Variants in SCMH1 observed in about 807,000 individuals in gnomAD.
The protein encoded by SCMH1 is polycomb protein SCMH1.
SCMH1 carries 37 observed loss-of-function variants against 70.8 expected under a neutral mutation model. The ratio of observed to expected loss-of-function variants is 0.52; its 90% CI spans 0.40 to 0.69. The LOEUF (loss-of-function observed/expected upper bound fraction) is 0.69, where lower values mean the gene tolerates loss of function less well. SCMH1 is among the 30% of genes least tolerant of loss of function. SCMH1 has a pLI of 0.00. For missense variants in SCMH1, 607 were observed against 827.3 expected, an observed-to-expected ratio of 0.73 and a Z score of 3.27; for synonymous variants, 292 against 307.4, an observed-to-expected ratio of 0.95 and a Z score of 0.52.
intron 6 of SCMH1, among the ~76,000 whole-genome samples, chr1:41,124,228 G>A (rs1049482481): frequency 1.3e-5 from 2 of 151,942 alleles, no homozygotes; most frequent in Non-Finnish European, 2.9e-5. Context: ...TATGAAAGTT[G>A]GAGATGTTAC....
At chr1:41,223,324 G>A (rs1659650924) in intron 1 of SCMH1, among the ~76,000 whole-genome samples, 2 of 152,166 alleles carry the variant, frequency 1.3e-5, no homozygotes, top group African/African-American at 4.8e-5. Flanking sequence ...TAATGCAATT[G>A]ATAACTGTCC....
intron 1 of SCMH1, among the ~76,000 whole-genome samples, chr1:41,188,661 G>A (rs1650889433): frequency 6.6e-6 from 1 of 152,172 alleles, no homozygotes; most frequent in Non-Finnish European, 1.5e-5. Context: ...TAAGGCTATG[G>A]TAGTATCCTT....
intron 8 of SCMH1, among the ~76,000 whole-genome samples, chr1:41,078,484 T>C (rs1659037215): frequency 6.6e-6 from 1 of 151,858 alleles, no homozygotes; most frequent in South Asian, 2.1e-4. Flanking sequence ...ATACAAAAGA[T>C]GAAATACAGA....
At chr1:41,200,283 C>T (rs1363794890) in intron 1 of SCMH1, among the ~76,000 whole-genome samples, 2 of 151,966 alleles carry the variant, frequency 1.3e-5, no homozygotes, top group Non-Finnish European at 2.9e-5. Flanking sequence ...CGAGACCATC[C>T]TGGTTAACAT....
At chr1:41,208,294 G>A (rs1382241271) in intron 1 of SCMH1, among the ~76,000 whole-genome samples, 1 of 102,732 alleles carries the variant, frequency 9.7e-6, no homozygotes, top group Admixed American at 1.1e-4. Context: ...GGGGAGGGGG[G>A]AGGGATAGCA....
intron 4 of SCMH1, chr1:41,159,745 C>A (rs1645866580): frequency 6.5e-7 from 1 of 1,533,412 alleles, no homozygotes; most frequent in Non-Finnish European, 8.8e-7. Flanking sequence ...TCATTTCATT[C>A]ATTTCTTCAG....
At chr1:41,029,196 C>G (rs947261033) in intron 13 of SCMH1, among the ~76,000 whole-genome samples, 1 of 152,082 alleles carries the variant, frequency 6.6e-6, no homozygotes, top group African/African-American at 2.4e-5. Context: ...CAGCCTGATA[C>G]ACTAAGGCAG....
chr1:41,143,000 C>T (rs1238630641), exon 6 of SCMH1: 3 of 1,614,122 alleles, frequency 1.9e-6, no homozygotes, highest in Middle Eastern at 1.6e-4. Flanking sequence ...CAGGCGAAGG[C>T]GGGCACCTGT....
intron 7 of SCMH1, among the ~76,000 whole-genome samples, chr1:41,114,073 A>T (rs1338544646): frequency 6.6e-6 from 1 of 152,174 alleles, no homozygotes; most frequent in Non-Finnish European, 1.5e-5. Flanking sequence ...ACACTTAAAG[A>T]TCTTTCCAAT....
intron 6 of SCMH1, among the ~76,000 whole-genome samples, chr1:41,138,926 A>C (rs1309159137): frequency 3.3e-5 from 5 of 152,142 alleles, no homozygotes; most frequent in African/African-American, 1.2e-4. Flanking sequence ...CCAGACCAGC[A>C]AAAAAACAAA....
rs535978861 is a variant in SCMH1 at position 41,093,548 on chromosome 1, G to A, written c.746-18097C>T. Among the ~76,000 whole-genome samples, 126 of 152,196 alleles carry A rather than the reference G, an allele frequency of 8.3e-4. 2 individuals are homozygous for A. The highest frequency in any genetic ancestry group is 3.0e-3 in the African/African-American group (124 of 41,532). On this transcript the variant is annotated intron_variant, in intron 8 of 14. Coordinates refer to ENST00000337495, the Ensembl canonical transcript of SCMH1. Reference sequence around the variant, plus strand: ...TAATAAAAAAAGTTAATCAAAATGTGAAAGTTGAAATAATACTAATAAACT... The same window carrying A: ...TAATAAAAAAAGTTAATCAAAATGTAAAAGTTGAAATAATACTAATAAACT...
At chr1:41,081,489 A>C (rs1490305869) in intron 8 of SCMH1, among the ~76,000 whole-genome samples, 1 of 152,236 alleles carries the variant, frequency 6.6e-6, no homozygotes, top group Admixed American at 6.5e-5. Flanking sequence ...GCATCATCAA[A>C]TAGCAAGATT....
At chr1:41,082,444 G>A (rs941364062) in intron 8 of SCMH1, among the ~76,000 whole-genome samples, 1 of 152,184 alleles carries the variant, frequency 6.6e-6, no homozygotes, top group East Asian at 1.9e-4. Flanking sequence ...TTCAACCCAG[G>A]ATTTCATATC....
intron 10 of SCMH1, among the ~76,000 whole-genome samples, chr1:41,050,005 G>C (rs963386597): frequency 6.6e-6 from 1 of 151,836 alleles, no homozygotes; most frequent in African/African-American, 2.4e-5. Context: ...GCAGTGAGCT[G>C]TAATCGCGCC....
At chr1:41,161,895 G>A (rs140970760) in intron 2 of SCMH1, among the ~76,000 whole-genome samples, 46 of 152,284 alleles carry the variant, frequency 3.0e-4, no homozygotes, top group African/African-American at 1.1e-3. Context: ...CCGCAGTACC[G>A]CAGAATGTAA....
chr1:41,135,738 T>G (rs1185407978), intron 6 of SCMH1, among the ~76,000 whole-genome samples: 1 of 152,202 alleles, frequency 6.6e-6, no homozygotes, highest in African/African-American at 2.4e-5. Flanking sequence ...GCTTACTCAC[T>G]TGCTGTATGT....
At chr1:41,177,939 G>C (rs1385784666) in intron 2 of SCMH1, among the ~76,000 whole-genome samples, 1 of 152,166 alleles carries the variant, frequency 6.6e-6, no homozygotes, top group East Asian at 1.9e-4. Flanking sequence ...ATAATTGTCA[G>C]ATTCACCAAA....
intron 2 of SCMH1, among the ~76,000 whole-genome samples, chr1:41,179,723 T>C (rs1000273898): frequency 5.3e-5 from 8 of 152,142 alleles, no homozygotes; most frequent in African/African-American, 1.9e-4. Context: ...CGATAATTAA[T>C]AGCTTACCAA....
In SCMH1 at chr1:41,116,903, T is replaced by C; in HGVS notation, c.501+19A>G. 1.3e-6 allele frequency: 2 copies of C among 1,588,770 alleles called. No individual in the cohort carries two copies. The highest frequency in any genetic ancestry group is 1.7e-6 in the Non-Finnish European group (2 of 1,165,258). Reference sequence around the variant, plus strand: ...ACCTTAAGCAGCCTGGAGCTGGTGATATCTGAGGGATAGCCTACCTTGTGG... The same window carrying C: ...ACCTTAAGCAGCCTGGAGCTGGTGACATCTGAGGGATAGCCTACCTTGTGG... On this transcript the variant is annotated intron_variant, in intron 7 of 14. Transcript: ENST00000337495.
Sources: allele counts gnomAD v4.1 joint callset (sites outside exome capture counted in the v4.1 genomes callset), GRCh38; gene constraint gnomAD v4.1.1; transcripts MANE v1.5; gene names NCBI Gene and HGNC (gene_info 2026-07-23, HGNC 2026-07-21).